NEDD9: variants seen among roughly 807,000 people sequenced by gnomAD.
NEDD9 encodes neural precursor cell expressed, developmentally down-regulated 9, also known as enhancer of filamentation 1.
NEDD9 carries 26 observed loss-of-function variants against 76.6 expected under a neutral mutation model. The ratio of observed to expected loss-of-function variants is 0.34; its 90% CI spans 0.25 to 0.47. The LOEUF (loss-of-function observed/expected upper bound fraction) is 0.47. NEDD9 is among the 20% of genes least tolerant of loss of function. The pLI is 1.00. For synonymous variants in NEDD9, 392 were observed against 414.2 expected (o/e 0.95, Z 0.65); for missense variants, 937 against 1,058.5 (o/e 0.89, Z 1.59).
chr6:11,331,319 T>G (rs538986748), intron 2 of NEDD9, among the ~76,000 whole-genome samples: 1 of 146,398 alleles, frequency 6.8e-6, no homozygotes, highest in Non-Finnish European at 1.5e-5. Context: ...AGAGAATAGA[T>G]AGTTGTGAGC....
intron 1 of NEDD9, among the ~76,000 whole-genome samples, chr6:11,349,578 C>T (rs748239850): frequency 7.2e-5 from 11 of 152,116 alleles, no homozygotes; most frequent in South Asian, 2.1e-4. Flanking sequence ...CACCATGGAA[C>T]GCTATGCAGC....
At chr6:11,315,107 C>A (rs895232153) in intron 2 of NEDD9, among the ~76,000 whole-genome samples, 1 of 152,188 alleles carries the variant, frequency 6.6e-6, no homozygotes, top group Non-Finnish European at 1.5e-5. Flanking sequence ...AGAACTACTT[C>A]CTGGGCTGCT....
chr6:11,332,349 G>A (rs1250100045), intron 2 of NEDD9, among the ~76,000 whole-genome samples: 6 of 152,162 alleles, frequency 3.9e-5, no homozygotes, highest in Non-Finnish European at 5.9e-5. Flanking sequence ...CACTGAGTGT[G>A]AATTTGACTA....
intron 3 of NEDD9, among the ~76,000 whole-genome samples, chr6:11,299,299 A>G: frequency 6.6e-6 from 1 of 152,188 alleles, no homozygotes; most frequent in Non-Finnish European, 1.5e-5. Context: ...GGCATCTGCC[A>G]TTGCTGAGGC....
At chr6:11,231,645 G>T (rs1011248454) in intron 1 of NEDD9, among the ~76,000 whole-genome samples, 1 of 152,154 alleles carries the variant, frequency 6.6e-6, no homozygotes, top group Non-Finnish European at 1.5e-5. Context: ...CCAATTCATT[G>T]CAGTCTGCTT....
Position 11,185,519 on chromosome 6 carries a change from C to CTCACA in NEDD9, c.2143_2147dup (p.Glu716AspfsTer50). The CTCACA allele has an allele frequency of 6.2e-7, 1 of 1,614,198 alleles. No individual in the cohort carries two copies. Among genetic ancestry groups the CTCACA allele is most frequent in the Non-Finnish European group, 8.5e-7 (1 of 1,180,040 alleles). The stretch of plus-strand genomic sequence containing the variant: ...CGTTGAGAAGGGAAATGAAATGGGT[C>CTCACA]TCACATTGGTCATAGTAGAAGCACA... On this transcript the variant is annotated frameshift_variant, in exon 7 of 7. Coordinates refer to ENST00000379446, the MANE Select transcript of NEDD9 (RefSeq NM_006403.4). LOFTEE classifies it high-confidence loss of function.
At chr6:11,307,943 C>G (rs1265728810) in intron 2 of NEDD9, among the ~76,000 whole-genome samples, 1 of 152,096 alleles carries the variant, frequency 6.6e-6, no homozygotes, top group Admixed American at 6.5e-5. Flanking sequence ...GGAAAGAGGT[C>G]TGTGGGGCCA....
At chr6:11,240,115 C>G (rs993452131) in intron 3 of NEDD9, among the ~76,000 whole-genome samples, 14 of 151,732 alleles carry the variant, frequency 9.2e-5, no homozygotes, top group Non-Finnish European at 1.3e-4. Flanking sequence ...TAAAAAAGCT[C>G]CTTGACTCGT....
chr6:11,332,794 G>A (rs1762071515), intron 2 of NEDD9, among the ~76,000 whole-genome samples: 1 of 152,148 alleles, frequency 6.6e-6, no homozygotes, highest in Non-Finnish European at 1.5e-5. Context: ...GTGGAGCAGA[G>A]GTAGATCTGT....
intron 2 of NEDD9, among the ~76,000 whole-genome samples, chr6:11,310,355 C>A (rs982759501): frequency 6.6e-6 from 1 of 152,204 alleles, no homozygotes; most frequent in East Asian, 1.9e-4. Context: ...CTACTTCACC[C>A]TCCTCTTGCC....
chr6:11,308,132 T>C (rs1377733832), intron 2 of NEDD9, among the ~76,000 whole-genome samples: 3 of 151,962 alleles, frequency 2.0e-5, no homozygotes, highest in Non-Finnish European at 4.4e-5. Context: ...AGGCCATGGG[T>C]GAAGGTAGAC....
intron 2 of NEDD9, among the ~76,000 whole-genome samples, chr6:11,195,730 C>T (rs1354309201): frequency 6.6e-6 from 1 of 152,258 alleles, no homozygotes; most frequent in Non-Finnish European, 1.5e-5. Context: ...CGCAGTGGCT[C>T]ATGCCTGTAA....
rs768089562 is a variant in NEDD9 at position 11,375,970 on chromosome 6, G to C, written c.-214+6169C>G. 6.9e-4 allele frequency among the ~76,000 whole-genome samples: 105 copies of C among 152,034 alleles called. 1 individual carries two copies. Among genetic ancestry groups the C allele is most frequent in the Admixed American group, 2.7e-3 (41 of 15,270 alleles). ...CTCCTGAGTAGCTGGGACTACAGGC[G>C]CCCGTCACCACACCCAGCTAATTTT... On this transcript the variant is annotated intron_variant, in intron 1 of 3. Coordinates refer to the NEDD9 transcript ENST00000397378.
At position 11,185,663 on chromosome 6, in the gene NEDD9, C is replaced by T; in HGVS notation, c.2004G>A (p.Gln668=). 1.2e-6 allele frequency: 2 copies of T among 1,614,114 alleles called. No homozygotes were observed. The highest frequency in any genetic ancestry group is 2.2e-5 in the South Asian group (2 of 91,080). ...KMQLEHHQLS[Q]FQLLEQEITK... is the part of the protein sequence containing the mutation. ...TAATCTCTTGTTCCAACAGCTGGAACTGGCTCAGCTGCAAGGAAGACGAAA... is the reference window on the plus strand; with the variant it reads ...TAATCTCTTGTTCCAACAGCTGGAATTGGCTCAGCTGCAAGGAAGACGAAA... The change falls in exon 7 of 7, where the codon CAG becomes CAA. Residue 668 remains glutamine (Q), a synonymous_variant. Coordinates refer to ENST00000379446, the MANE Select transcript of NEDD9 (RefSeq NM_006403.4).
In NEDD9 at chr6:11,184,604, T is replaced by A. The variant is rs1417722079; in HGVS notation, c.*558A>T. The A allele has an allele frequency of 6.5e-6, 1 of 153,340 alleles. No individual in the cohort carries two copies. Among genetic ancestry groups the A allele is most frequent in the East Asian group, 1.9e-4 (1 of 5,206 alleles). The allele number at this position is 153,340 out of a possible 1,614,324, so 9.5% of individuals were successfully genotyped here. A position where few individuals can be genotyped will look rare whatever the true frequency, so the allele number is the denominator to read the frequency against. Reference sequence around the variant, plus strand: ...TTTTGGGCACTTGGCCATCATGTGTTTAAGATGGTCAGTTTTGAAAAGAGT... The same window carrying A: ...TTTTGGGCACTTGGCCATCATGTGTATAAGATGGTCAGTTTTGAAAAGAGT... On this transcript the variant is annotated 3_prime_UTR_variant, in exon 7 of 7. Coordinates refer to ENST00000379446, the MANE Select transcript of NEDD9 (RefSeq NM_006403.4).
At chr6:11,221,185 C>T (rs1262541487) in intron 1 of NEDD9, among the ~76,000 whole-genome samples, 1 of 152,040 alleles carries the variant, frequency 6.6e-6, no homozygotes, top group Non-Finnish European at 1.5e-5. Flanking sequence ...GAGTTTGCGA[C>T]CAGCCTGGGC....
intron 2 of NEDD9, among the ~76,000 whole-genome samples, chr6:11,314,538 C>T (rs972382714): frequency 6.6e-6 from 1 of 152,148 alleles, no homozygotes; most frequent in African/African-American, 2.4e-5. Flanking sequence ...AGCAAGGCAG[C>T]TTTTATGCCC....
intron 1 of NEDD9, among the ~76,000 whole-genome samples, chr6:11,342,656 T>C (rs780343676): frequency 4.6e-5 from 7 of 152,186 alleles, no homozygotes; most frequent in Non-Finnish European, 8.8e-5. Context: ...AGATCTGAAC[T>C]ACAGGCAATG....
intron 3 of NEDD9, among the ~76,000 whole-genome samples, chr6:11,296,043 C>T (rs1760878948): frequency 6.6e-6 from 1 of 152,014 alleles, no homozygotes; most frequent in African/African-American, 2.4e-5. Flanking sequence ...GGCCCTAATC[C>T]AATATGACAG....
Sources: gnomAD v4.1 joint callset for allele counts (sites outside exome capture counted in the v4.1 genomes callset) on GRCh38, gnomAD v4.1.1 for gene constraint, MANE v1.5 for transcripts, NCBI Gene and HGNC (gene_info 2026-07-23, HGNC 2026-07-21) for gene names.